CSPP1: variants seen among roughly 807,000 people sequenced by gnomAD.
The protein encoded by CSPP1 is centrosome and spindle pole-associated protein 1.
A neutral mutation model predicts 164.4 loss-of-function variants in CSPP1; 126 were observed. The observed-to-expected ratio is 0.77, with a 90% CI of 0.66 to 0.89. The LOEUF (loss-of-function observed/expected upper bound fraction) is 0.89, where lower values mean the gene tolerates loss of function less well. Ranked by LOEUF, CSPP1 falls within the 40% of genes least tolerant of loss-of-function variation. The pLI is 0.00. For missense variants in CSPP1, 1,395 were observed against 1,449.8 expected (o/e 0.96, Z 0.61); for synonymous variants, 472 against 476.7 (o/e 0.99, Z 0.13).
intron 15 of CSPP1, among the ~76,000 whole-genome samples, chr8:67,129,981 CGAT>C (rs2129553752): frequency 6.6e-6 from 1 of 152,268 alleles, no homozygotes; most frequent in African/African-American, 2.4e-5. Context: ...AGTTGACACT[CGAT>C]AACACAGGTT....
At chr8:67,082,151 T>C (rs1007190182) in intron 3 of CSPP1, among the ~76,000 whole-genome samples, 5 of 152,070 alleles carry the variant, frequency 3.3e-5, no homozygotes, top group African/African-American at 1.2e-4. Context: ...GGGTTCAAGC[T>C]ATTCTCCTGC....
intron 9 of CSPP1, among the ~76,000 whole-genome samples, chr8:67,109,988 G>A (rs1272885857): frequency 6.6e-6 from 1 of 151,988 alleles, no homozygotes; most frequent in Non-Finnish European, 1.5e-5. Context: ...GGCTTGTCTT[G>A]TTTGTATAAC....
intron 4 of CSPP1, chr8:67,086,745 C>T (rs372723088): frequency 5.1e-5 from 36 of 705,388 alleles, no homozygotes; most frequent in Non-Finnish European, 7.5e-5. Context: ...ACAAATGTCT[C>T]TTATTCTGAT....
chr8:67,137,314 T>C, intron 16 of CSPP1, 142 bp from the exon 17 acceptor site: 1 of 542,800 alleles, frequency 1.8e-6, no homozygotes. Context: ...TTTTAACCTT[T>C]GTAGGGGGGT....
intron 15 of CSPP1, among the ~76,000 whole-genome samples, chr8:67,121,577 T>C (rs575906526): frequency 1.3e-5 from 2 of 152,298 alleles, no homozygotes; most frequent in South Asian, 2.1e-4. Context: ...TTTGCTAGTA[T>C]TTTGTTAAGG....
chr8:67,159,862 T>G (rs1440452214), intron 21 of CSPP1, among the ~76,000 whole-genome samples: 1 of 31,948 alleles, frequency 3.1e-5, no homozygotes, highest in African/African-American at 1.7e-4. Context: ...TTTTCTTTCT[T>G]TCTTTCTTTC....
At chr8:67,090,545 A>G (rs572818630) in intron 4 of CSPP1, among the ~76,000 whole-genome samples, 34 of 152,196 alleles carry the variant, frequency 2.2e-4, no homozygotes, top group Admixed American at 1.8e-3. Flanking sequence ...CAACCTCCCA[A>G]CCTGCTAGGA....
intron 1 of CSPP1, among the ~76,000 whole-genome samples, chr8:67,065,096 T>G (rs1805265838): frequency 6.6e-6 from 1 of 152,220 alleles, no homozygotes; most frequent in African/African-American, 2.4e-5. Context: ...CCCTCGGTGC[T>G]TGTTATTGTT....
At position 67,093,670 on chromosome 8, in the gene CSPP1, A is replaced by G. The variant is rs138567800; in HGVS notation, c.483+29A>G. Reference sequence around the variant, plus strand: ...GGTTTTGCTTTTGAATTAAATCTGTACTACTACTACCACAGGTTGAATATT... The same window carrying G: ...GGTTTTGCTTTTGAATTAAATCTGTGCTACTACTACCACAGGTTGAATATT... On this transcript the variant is annotated intron_variant, in intron 6 of 30. Transcript: ENST00000678616. The G allele has an allele frequency of 3.7e-3, 4,370 of 1,170,878 alleles. 15 individuals are homozygous for G. The highest frequency in any genetic ancestry group is 4.4e-3 in the Non-Finnish European group (3,511 of 790,982). The allele number at this position is 1,170,878 out of a possible 1,614,324, so 72.5% of individuals were successfully genotyped here.
chr8:67,189,394 TGTG>T (rs1312851139), intron 28 of CSPP1, among the ~76,000 whole-genome samples: 1 of 152,152 alleles, frequency 6.6e-6, no homozygotes, highest in African/African-American at 2.4e-5. Context: ...ATGGATAAAG[TGTG>T]GTACATCCAG....
At chr8:67,119,163 T>A (rs1211666861) in intron 15 of CSPP1, among the ~76,000 whole-genome samples, 1 of 152,230 alleles carries the variant, frequency 6.6e-6, no homozygotes, top group Non-Finnish European at 1.5e-5. Context: ...TCACTTTGCA[T>A]AATGTCCTCA....
chr8:67,130,737 C>T (rs1821060834), intron 15 of CSPP1, among the ~76,000 whole-genome samples: 1 of 152,108 alleles, frequency 6.6e-6, no homozygotes, highest in Admixed American at 6.5e-5. Flanking sequence ...CTTATAATCC[C>T]AGCACTTTGG....
intron 19 of CSPP1, among the ~76,000 whole-genome samples, chr8:67,158,238 G>C (rs962103434): frequency 6.6e-6 from 1 of 152,172 alleles, no homozygotes; most frequent in African/African-American, 2.4e-5. Flanking sequence ...AGGTCACACG[G>C]TCTGTTTGGT....
At position 67,169,963 on chromosome 8, in the gene CSPP1, G is replaced by T. The variant is rs187717144; in HGVS notation, c.2829-2453G>T. ...TGGTTTTTCCATATTGCCCAGGCTG[G>T]TCTCGAACTCCTGAGTTCAAGCAAT... On this transcript the variant is annotated intron_variant, in intron 24 of 30. Transcript: ENST00000678616. Among the ~76,000 whole-genome samples, 120 of 152,000 alleles carry T rather than the reference G, an allele frequency of 7.9e-4. 1 individual carries two copies. The highest frequency in any genetic ancestry group is 2.7e-3 in the African/African-American group (113 of 41,492).
intron 21 of CSPP1, among the ~76,000 whole-genome samples, chr8:67,159,852 T>TC (rs1332802206): frequency 2.1e-5 from 1 of 47,592 alleles, no homozygotes. Flanking sequence ...CTTTCTTTCT[T>TC]TTTCTTTCTT....
Position 67,095,611 on chromosome 8 carries a change from G to A in CSPP1, c.802G>A (p.Val268Ile), listed in dbSNP as rs753271821. The A allele has an allele frequency of 1.2e-6, 2 of 1,613,828 alleles. No individual in the cohort carries two copies. The highest frequency in any genetic ancestry group is 1.7e-6 in the Non-Finnish European group (2 of 1,179,918). Residue 268 changes from valine to isoleucine, a missense_variant, in exon 7 of 31, where the codon GTT (valine) becomes ATT (isoleucine). By Grantham distance (29) the Val-to-Ile change is conservative. Transcript: ENST00000678616. ...RRFHRFNEDR[V>I]FDRRYHRPDQ... ...ATTTCACAGATTTAATGAGGATCGT[G>A]TTTTTGATAGACGGTATCATAGACC... is the stretch of plus-strand genomic sequence containing the variant.
chr8:67,118,656 ATGCACCTTT>A, intron 14 of CSPP1, 78 bp from the exon 15 acceptor site: 1 of 930,094 alleles, frequency 1.1e-6, no homozygotes, highest in East Asian at 2.7e-5. Flanking sequence ...CATTTTGATT[ATGCACCTTT>A]TTCTGGAGGA....
intron 17 of CSPP1, among the ~76,000 whole-genome samples, chr8:67,148,430 T>C (rs987334210): frequency 6.6e-6 from 1 of 152,252 alleles, no homozygotes; most frequent in African/African-American, 2.4e-5. Context: ...ACACTCATCA[T>C]GCTTTACCCA....
intron 17 of CSPP1, among the ~76,000 whole-genome samples, chr8:67,147,637 TTC>T (rs1824859489): frequency 6.6e-6 from 1 of 152,178 alleles, no homozygotes; most frequent in Non-Finnish European, 1.5e-5. Flanking sequence ...ATCTTTTATC[TTC>T]TTTGAACTGG....
Sources: allele counts gnomAD v4.1 joint callset (sites outside exome capture counted in the v4.1 genomes callset), GRCh38; gene constraint gnomAD v4.1.1; transcripts MANE v1.5; gene names NCBI Gene and HGNC (gene_info 2026-07-23, HGNC 2026-07-21).